SPATS1: variants seen among roughly 807,000 people sequenced by gnomAD.
SPATS1 encodes spermatogenesis associated serine rich 1.
SPATS1 carries 23 observed loss-of-function variants against 33.6 expected under a neutral mutation model. The ratio of observed to expected loss-of-function variants is 0.68; its 90% confidence interval spans 0.49 to 0.97. SPATS1 has a LOEUF of 0.97. Among genes scored for constraint, SPATS1 ranks in the 50% least tolerant of loss-of-function variants. SPATS1 has a pLI of 0.00. For synonymous variants in SPATS1, 131 were observed against 125.6 expected, an observed-to-expected ratio of 1.04 and a Z score of -0.29; for missense variants, 327 against 361.0, an observed-to-expected ratio of 0.91 and a Z score of 0.76.
At chr6:44,373,794 T>C (rs558569484) in intron 7 of SPATS1, among the ~76,000 whole-genome samples, 1 of 152,338 alleles carries the variant, frequency 6.6e-6, no homozygotes, top group African/African-American at 2.4e-5. Flanking sequence ...GCAGTACGTT[T>C]ACAGGGATTA....
intron 3 of SPATS1, among the ~76,000 whole-genome samples, 159 bp from the exon 4 acceptor site, chr6:44,360,287 C>T (rs1188890531): frequency 6.6e-6 from 1 of 152,158 alleles, no homozygotes; most frequent in Non-Finnish European, 1.5e-5. Context: ...AAGTTTCAGT[C>T]CCCTCAAATT....
intron 3 of SPATS1, among the ~76,000 whole-genome samples, chr6:44,355,489 A>G (rs1279502643): frequency 1.3e-5 from 2 of 152,194 alleles, no homozygotes; most frequent in East Asian, 1.9e-4. Flanking sequence ...TTTCAAGAAC[A>G]TGGTTTTCAA....
chr6:44,352,228 T>C (rs576518740), intron 2 of SPATS1, among the ~76,000 whole-genome samples: 10 of 152,252 alleles, frequency 6.6e-5, no homozygotes, highest in Non-Finnish European at 1.2e-4. Context: ...CCTCCTGGGT[T>C]CAAGCAAGCC....
At position 44,352,791 on chromosome 6, in the gene SPATS1, A is replaced by C; in HGVS notation, c.205A>C (p.Ser69Arg). The stretch of plus-strand genomic sequence containing the variant: ...TGCCAACACAACACCCTCTGGCAAA[A>C]GTGTCAGTTCCTCATCTTCTGTGGA... ...CFANTTPSGK[S>R]VSSSSSVETG... The change falls in exon 3 of 9, where the codon AGT becomes CGT. Residue 69 changes from serine (S) to arginine (R), a missense_variant. Physicochemically the swap from Ser to Arg is moderately radical, Grantham distance 110. Transcript: ENST00000674044. The C allele has an allele frequency of 6.2e-7, 1 of 1,614,178 alleles. No homozygotes were observed. The highest frequency in any genetic ancestry group is 8.5e-7 in the Non-Finnish European group (1 of 1,180,000).
intron 5 of SPATS1, among the ~76,000 whole-genome samples, chr6:44,366,325 T>C (rs1259991817): frequency 6.6e-6 from 1 of 152,024 alleles, no homozygotes; most frequent in Non-Finnish European, 1.5e-5. Flanking sequence ...GATTTCACCA[T>C]GTTGATCAGG....
intron 6 of SPATS1, among the ~76,000 whole-genome samples, chr6:44,369,799 A>ATG (rs1443251577): frequency 1.0e-3 from 154 of 151,630 alleles, no homozygotes; most frequent in Non-Finnish European, 2.0e-3. Context: ...CTGAGCCTGA[A>ATG]AGGTCGAGGC....
At chr6:44,365,745 C>T (rs566980308) in intron 5 of SPATS1, among the ~76,000 whole-genome samples, 5 of 152,262 alleles carry the variant, frequency 3.3e-5, no homozygotes, top group South Asian at 2.1e-4. Flanking sequence ...GTGAACGGTT[C>T]GCTCCCTTAT....
In SPATS1 at chr6:44,377,106, G is replaced by A. The variant is rs201346207; in HGVS notation, c.*43G>A. 1.2e-3 allele frequency: 1,904 copies of A among 1,612,932 alleles called. 16 individuals carry two copies. The highest frequency in any genetic ancestry group is 0.01 in the Middle Eastern group (61 of 6,054). ...AAACATGTGCTGACTGCACTCTGGC[G>A]ACCCTTTTCCAGTTGATGTTTTTTG... On this transcript the variant is annotated 3_prime_UTR_variant, in exon 9 of 9. Transcript: ENST00000674044.
chr6:44,362,278 A>G (rs1454067148), intron 5 of SPATS1, among the ~76,000 whole-genome samples: 1 of 152,232 alleles, frequency 6.6e-6, no homozygotes, highest in African/African-American at 2.4e-5. Context: ...TTATTAATAG[A>G]AACCTCCATT....
chr6:44,345,798 G>A (rs1337982806), intron 2 of SPATS1, among the ~76,000 whole-genome samples: 1 of 152,140 alleles, frequency 6.6e-6, no homozygotes, highest in Non-Finnish European at 1.5e-5. Flanking sequence ...ATTTCTAGAT[G>A]TAGAACTATT....
intron 6 of SPATS1, 92 bp downstream of exon 6, chr6:44,368,591 T>A: frequency 1.6e-6 from 2 of 1,242,850 alleles, no homozygotes. Context: ...AAGGGATAGA[T>A]GTCAACAAGA....
intron 3 of SPATS1, among the ~76,000 whole-genome samples, chr6:44,359,020 C>T (rs1788747572): frequency 6.6e-6 from 1 of 152,100 alleles, no homozygotes; most frequent in South Asian, 2.1e-4. Flanking sequence ...ATAGTCACTG[C>T]TCACTGCAGC....
At chr6:44,374,331 T>C (rs1046079467) in intron 7 of SPATS1, among the ~76,000 whole-genome samples, 1 of 152,218 alleles carries the variant, frequency 6.6e-6, no homozygotes, top group African/African-American at 2.4e-5. Context: ...AGTTAAGGTG[T>C]CTGAATATTA....
chr6:44,359,630 G>A (rs542074208), intron 3 of SPATS1, among the ~76,000 whole-genome samples: 1 of 151,902 alleles, frequency 6.6e-6, no homozygotes, highest in South Asian at 2.1e-4. Flanking sequence ...AGGCTGGAGT[G>A]CAGTGGCGAG....
At chr6:44,374,099 T>C (rs907201860) in intron 7 of SPATS1, among the ~76,000 whole-genome samples, 4 of 152,240 alleles carry the variant, frequency 2.6e-5, no homozygotes, top group Non-Finnish European at 5.9e-5. Flanking sequence ...GCAGTTAATG[T>C]ATCTTCCAAG....
chr6:44,375,670 C>T (rs781265557), intron 7 of SPATS1, among the ~76,000 whole-genome samples: 12 of 152,146 alleles, frequency 7.9e-5, no homozygotes, highest in Middle Eastern at 3.4e-3. Context: ...ATTAGCTGGG[C>T]GTGGTGTCAT....
intron 7 of SPATS1, among the ~76,000 whole-genome samples, chr6:44,375,624 A>G (rs1002930839): frequency 6.6e-6 from 1 of 152,166 alleles, no homozygotes; most frequent in African/African-American, 2.4e-5. Flanking sequence ...AGCCTGACCA[A>G]CATGGTAAAG....
rs1287665620 is a variant in SPATS1, at chr6:44,342,664, T to TG, written c.-102dup. On this transcript the variant is annotated 5_prime_UTR_variant, in exon 1 of 9. Coordinates refer to ENST00000674044, the MANE Select transcript of SPATS1 (RefSeq NM_001372081.1). ...CCGGCAACCCCGGAACGCGCCTCTGTGGGAGAAGCAGGCGGCTGCGGTGTC... is the reference window on the plus strand; with the variant it reads ...CCGGCAACCCCGGAACGCGCCTCTGTGGGGAGAAGCAGGCGGCTGCGGTGTC... 2.2e-6 allele frequency: 1 copy of TG among 456,482 alleles called. No individual in the cohort carries two copies. Among genetic ancestry groups the TG allele is most frequent in the Non-Finnish European group, 4.4e-6 (1 of 227,130 alleles). The allele number at this position is 456,482 out of a possible 1,614,324, so 28.3% of individuals were successfully genotyped here. A position where few individuals can be genotyped will look rare whatever the true frequency, so the allele number is the denominator to read the frequency against.
chr6:44,350,548 G>GATT (rs1339909312), intron 2 of SPATS1, among the ~76,000 whole-genome samples: 1 of 152,232 alleles, frequency 6.6e-6, no homozygotes, highest in Non-Finnish European at 1.5e-5. Flanking sequence ...AGAGTGGGAG[G>GATT]ATTTTGAAGG....
Sources: allele counts gnomAD v4.1 joint callset (sites outside exome capture counted in the v4.1 genomes callset), GRCh38; gene constraint gnomAD v4.1.1; transcripts MANE v1.5; gene names NCBI Gene and HGNC (gene_info 2026-07-23, HGNC 2026-07-21).